Variants in TMEM243 observed in about 807,000 individuals in gnomAD.
TMEM243 encodes the protein MDR1 and mitochondrial taxol resistance associated.
Under a neutral mutation model 15.0 loss-of-function variants are expected in TMEM243, and 20 were observed. The observed-to-expected ratio is 1.33, with a 90% CI of 0.94 to 1.93. The LOEUF is 1.93. TMEM243 is among the 30% of genes most tolerant of loss of function. The pLI, the probability that TMEM243 is intolerant of heterozygous loss-of-function variation, is 0.00. For synonymous variants in TMEM243, 72 were observed against 52.7 expected, an observed-to-expected ratio of 1.37 and a Z score of -1.59; for missense variants, 156 against 142.1, an observed-to-expected ratio of 1.10 and a Z score of -0.50.
At chr7:87,211,771 C>T (rs998687658) in intron 1 of TMEM243, among the ~76,000 whole-genome samples, 3 of 152,184 alleles carry the variant, frequency 2.0e-5, no homozygotes, top group South Asian at 2.1e-4. Context: ...CTTGCACTGT[C>T]ACTAGAGACA....
intron 1 of TMEM243, among the ~76,000 whole-genome samples, chr7:87,209,738 GAGAGCGAGACAC>G (rs1479330100): frequency 1.6e-4 from 23 of 145,836 alleles, no homozygotes; most frequent in Admixed American, 1.1e-3. Flanking sequence ...GAGACACAGT[GAGAGCGAGACAC>G]AGAGCGAGAC....
chr7:87,211,139 C>G (rs1163193416), intron 1 of TMEM243, among the ~76,000 whole-genome samples: 1 of 152,196 alleles, frequency 6.6e-6, no homozygotes, highest in Non-Finnish European at 1.5e-5. Context: ...ATTGTCTTAC[C>G]TATTAACATT....
At chr7:87,197,631 T>C (rs912597368) in intron 3 of TMEM243, 5 of 987,482 alleles carry the variant, frequency 5.1e-6, no homozygotes, top group Non-Finnish European at 7.0e-6. Context: ...TACGTAGTCC[T>C]TGAGTGAAGA....
chr7:87,196,440 C>T lies in TMEM243; in HGVS notation c.*196G>A, dbSNP rs1801240957. The stretch of plus-strand genomic sequence containing the variant: ...TAAGGGTTGGAATGTTTAGGTGCAA[C>T]ATCAGCTCCTTAAAGAAAAAGCAAA... On this transcript the variant is annotated 3_prime_UTR_variant, in exon 4 of 4. Transcript: ENST00000257637. The T allele has an allele frequency of 4.0e-6, 2 of 504,698 alleles. No homozygotes were observed. Among genetic ancestry groups the T allele is most frequent in the South Asian group, 6.3e-5 (2 of 31,568 alleles). 31.3% of individuals were successfully genotyped at this position (504,698 alleles called of 1,614,324 possible). A position where few individuals can be genotyped will look rare whatever the true frequency, so the allele number is the denominator to read the frequency against.
chr7:87,199,929 GTCTT>G (rs1188060677), intron 1 of TMEM243, among the ~76,000 whole-genome samples: 5 of 152,306 alleles, frequency 3.3e-5, no homozygotes, highest in African/African-American at 1.2e-4. Flanking sequence ...TCAAAGCTGA[GTCTT>G]TAACGAATCA....
intron 1 of TMEM243, among the ~76,000 whole-genome samples, chr7:87,212,950 T>C (rs1802856912): frequency 6.6e-6 from 1 of 152,210 alleles, no homozygotes; most frequent in Non-Finnish European, 1.5e-5. Flanking sequence ...GGCACATCTT[T>C]GACAGCCAGG....
In TMEM243 at chr7:87,219,676, G is replaced by T. The variant is rs1045042762; in HGVS notation, c.-173C>A. The T allele has an allele frequency of 3.4e-5, 21 of 618,048 alleles. No individual in the cohort carries two copies. The highest frequency in any genetic ancestry group is 2.9e-4 in the Admixed American group (10 of 34,590). 38.3% of individuals were successfully genotyped at this position (618,048 alleles called of 1,614,324 possible). On this transcript the variant is annotated 5_prime_UTR_variant, in exon 1 of 4. Transcript: ENST00000257637. ...GTGGGGGCTCACACGCGGGGAACGCGACTGCTCCGCCCCGGCCCCGCGCAC... is the reference window on the plus strand; with the variant it reads ...GTGGGGGCTCACACGCGGGGAACGCTACTGCTCCGCCCCGGCCCCGCGCAC...
chr7:87,197,957 A>G lies in TMEM243; in HGVS notation c.218T>C (p.Ile73Thr). 2 of 1,613,160 alleles carry G rather than the reference A, an allele frequency of 1.2e-6. No homozygotes were observed. The highest frequency in any genetic ancestry group is 1.1e-5 in the South Asian group (1 of 91,052). Reference protein sequence around the residue: ...FFAVCISLSSITACILIYWYR... With the variant: ...FFAVCISLSSTTACILIYWYR... ...AGTACTTACAAGTATGCAGGCAGTAATACTACTCAAAGAGATGCAGACAGC... is the reference window on the plus strand; with the variant it reads ...AGTACTTACAAGTATGCAGGCAGTAGTACTACTCAAAGAGATGCAGACAGC... Residue 73 changes from isoleucine to threonine, a missense_variant, in exon 3 of 4, where the codon ATT (isoleucine) becomes ACT (threonine). Physicochemically the swap from Ile to Thr is moderately conservative, Grantham distance 89. Coordinates refer to ENST00000257637, the MANE Select transcript of TMEM243 (RefSeq NM_024315.4).
chr7:87,197,263 G>T (rs1801369958), intron 3 of TMEM243, among the ~76,000 whole-genome samples: 1 of 152,082 alleles, frequency 6.6e-6, no homozygotes, highest in Non-Finnish European at 1.5e-5. Flanking sequence ...CAGTGAATGA[G>T]AACACTTGGA....
chr7:87,218,603 T>C (rs1803273542), intron 1 of TMEM243: 1 of 152,160 alleles, frequency 6.6e-6, no homozygotes, highest in African/African-American at 2.4e-5. Context: ...TTTTTTTTTT[T>C]TCCTTCTTTT....
chr7:87,205,026 G>A (rs1169369389), intron 1 of TMEM243, among the ~76,000 whole-genome samples: 1 of 152,204 alleles, frequency 6.6e-6, no homozygotes, highest in Non-Finnish European at 1.5e-5. Context: ...CGCACCTGCG[G>A]ACCCAGCACC....
intron 1 of TMEM243, among the ~76,000 whole-genome samples, chr7:87,202,029 AAGAC>A (rs1801847577): frequency 6.6e-6 from 1 of 152,316 alleles, no homozygotes; most frequent in Admixed American, 6.5e-5. Context: ...CATGAACATA[AAGAC>A]AGACGTTGTG....
chr7:87,209,565 A>AGAGAGAGACAGT lies in TMEM243; in HGVS notation c.78+9849_78+9860dup, dbSNP rs1369193252. Among the ~76,000 whole-genome samples the AGAGAGAGACAGT allele has an allele frequency of 5.4e-4, 81 of 149,708 alleles. 2 individuals are homozygous for AGAGAGAGACAGT. Among genetic ancestry groups the AGAGAGAGACAGT allele is most frequent in the Non-Finnish European group, 8.2e-4 (55 of 67,204 alleles). The stretch of plus-strand genomic sequence containing the variant: ...GTGAGAGACAATGAGAGAGACAATG[A>AGAGAGAGACAGT]GAGAGAGACAGTGAGAGAGACAGTG... On this transcript the variant is annotated intron_variant, in intron 1 of 3. Transcript: ENST00000257637.
At chr7:87,206,008 C>A (rs1277360145) in intron 1 of TMEM243, among the ~76,000 whole-genome samples, 3 of 152,110 alleles carry the variant, frequency 2.0e-5, no homozygotes, top group Non-Finnish European at 2.9e-5. Context: ...AATGGACTCA[C>A]AGTTTCAAGT....
intron 2 of TMEM243, 174 bp downstream of exon 2, chr7:87,198,831 CAT>C (rs1400542605): frequency 1.8e-6 from 1 of 553,932 alleles, no homozygotes; most frequent in Non-Finnish European, 3.2e-6. Flanking sequence ...TACCATTTCA[CAT>C]ATTCAACCTG....
intron 1 of TMEM243, chr7:87,203,035 G>A (rs906004298): frequency 1.4e-4 from 21 of 152,388 alleles, no homozygotes; most frequent in Non-Finnish European, 2.6e-4. Flanking sequence ...AATGGCCCTG[G>A]GAGGAAACTG....
chr7:87,219,267 T>C (rs1803319280), intron 1 of TMEM243, among the ~76,000 whole-genome samples, 159 bp downstream of exon 1: 1 of 152,216 alleles, frequency 6.6e-6, no homozygotes, highest in South Asian at 2.1e-4. Flanking sequence ...AGGCGACGAT[T>C]GGCCGGGCAA....
chr7:87,198,202 A>G (rs748653695), intron 2 of TMEM243, 157 bp from the exon 3 acceptor site: 69 of 558,900 alleles, frequency 1.2e-4, no homozygotes, highest in Non-Finnish European at 1.9e-4. Flanking sequence ...GTAATTATAA[A>G]TATGTTCGAG....
Position 87,198,051 on chromosome 7 carries a change from T to C in TMEM243, c.130-6A>G, listed in dbSNP as rs751921153. The C allele has an allele frequency of 5.6e-6, 9 of 1,610,412 alleles. No homozygotes were observed. Among genetic ancestry groups the C allele is most frequent in the Non-Finnish European group, 7.6e-6 (9 of 1,177,806 alleles). On this transcript the variant is annotated splice_polypyrimidine_tract_variant and splice_region_variant and intron_variant, in intron 2 of 3. Transcript: ENST00000257637. ...AAAGCACTTATCAGCGTTACCTGTA[T>C]GAAGAGAAATTATGTAAGGCCTTAA...
Sources: allele counts gnomAD v4.1 joint callset (sites outside exome capture counted in the v4.1 genomes callset), GRCh38; gene constraint gnomAD v4.1.1; transcripts MANE v1.5; gene names NCBI Gene and HGNC (gene_info 2026-07-23, HGNC 2026-07-21).